SND1: variants seen among roughly 807,000 people sequenced by gnomAD.
SND1 encodes staphylococcal nuclease and tudor domain containing 1.
A neutral mutation model predicts 121.7 loss-of-function variants in SND1; 38 were observed. That is an observed-to-expected ratio of 0.31 (90% CI 0.24 to 0.41). The LOEUF is 0.41. Ranked by LOEUF, SND1 falls within the 10% of genes least tolerant of loss-of-function variation. The pLI is 1.00. For missense variants in SND1, 868 were observed against 1,184.6 expected, an observed-to-expected ratio of 0.73 and a Z score of 3.92; for synonymous variants, 401 against 447.4, an observed-to-expected ratio of 0.90 and a Z score of 1.31.
At chr7:128,088,146 C>T (rs1167678445) in intron 21 of SND1, among the ~76,000 whole-genome samples, 1 of 152,130 alleles carries the variant, frequency 6.6e-6, no homozygotes, top group Non-Finnish European at 1.5e-5. Flanking sequence ...CAAAACACGT[C>T]GGTGAAGACA....
chr7:127,655,842 G>A (rs1357430230), intron 1 of SND1, among the ~76,000 whole-genome samples: 1 of 152,038 alleles, frequency 6.6e-6, no homozygotes, highest in African/African-American at 2.4e-5. Flanking sequence ...CTTTGGGTAT[G>A]TTTACATGTC....
At chr7:128,079,901 T>C (rs1793568409) in intron 17 of SND1, among the ~76,000 whole-genome samples, 1 of 152,170 alleles carries the variant, frequency 6.6e-6, no homozygotes, top group Non-Finnish European at 1.5e-5. Context: ...TGGTGGTGTT[T>C]TCTCAGGGAT....
chr7:127,966,647 G>A (rs1801860556), intron 15 of SND1, among the ~76,000 whole-genome samples: 1 of 92,798 alleles, frequency 1.1e-5, no homozygotes, highest in Non-Finnish European at 2.1e-5. Flanking sequence ...GATGTTCTTT[G>A]AAACCAACGA....
At chr7:127,752,472 A>G (rs998958355) in intron 10 of SND1, among the ~76,000 whole-genome samples, 4 of 152,330 alleles carry the variant, frequency 2.6e-5, no homozygotes, top group African/African-American at 7.2e-5. Context: ...CAGGCTGCCC[A>G]TCTGGACTGC....
intron 14 of SND1, among the ~76,000 whole-genome samples, chr7:127,924,374 A>G (rs1332785640): frequency 6.6e-6 from 1 of 152,206 alleles, no homozygotes; most frequent in Non-Finnish European, 1.5e-5. Flanking sequence ...AGTCTTGCAT[A>G]TGATAATCCT....
At chr7:127,882,402 G>A (rs1378189684) in intron 12 of SND1, among the ~76,000 whole-genome samples, 1 of 127,030 alleles carries the variant, frequency 7.9e-6, no homozygotes, top group African/African-American at 2.9e-5. Context: ...GAGGGAGGGA[G>A]GGACGGAGGA....
intron 11 of SND1, among the ~76,000 whole-genome samples, chr7:127,817,425 G>C (rs1008327257): frequency 1.3e-5 from 2 of 152,006 alleles, no homozygotes; most frequent in African/African-American, 4.8e-5. Flanking sequence ...TGTTTCTTCT[G>C]TCTATGCCAT....
At chr7:128,031,491 C>G (rs1792600849) in intron 16 of SND1, 1 of 151,630 alleles carries the variant, frequency 6.6e-6, no homozygotes, top group South Asian at 2.1e-4. Context: ...CGCCTTCGCC[C>G]TCCCCAGACA....
At chr7:127,958,929 C>T (rs772869323) in intron 15 of SND1, among the ~76,000 whole-genome samples, 11 of 152,176 alleles carry the variant, frequency 7.2e-5, no homozygotes, top group Non-Finnish European at 1.3e-4. Context: ...TGAGAGCATG[C>T]AGCATGCTGG....
chr7:127,711,144 A>C (rs1313739221), intron 9 of SND1, among the ~76,000 whole-genome samples: 8 of 152,134 alleles, frequency 5.3e-5, no homozygotes, highest in African/African-American at 1.9e-4. Context: ...CCTGTTTTAG[A>C]GCTGTCATCT....
intron 10 of SND1, among the ~76,000 whole-genome samples, chr7:127,799,214 C>A (rs1433463562): frequency 6.6e-6 from 1 of 152,144 alleles, no homozygotes; most frequent in Non-Finnish European, 1.5e-5. Flanking sequence ...CAGTAAAAAA[C>A]CAAGAGCTGC....
At chr7:127,893,505 A>C (rs746861703) in intron 13 of SND1, among the ~76,000 whole-genome samples, 15 of 152,102 alleles carry the variant, frequency 9.9e-5, no homozygotes, top group Non-Finnish European at 2.9e-5. Flanking sequence ...GGTATCTTTT[A>C]ATTCTAAGAT....
At chr7:127,812,707 A>G (rs570045841) in intron 11 of SND1, among the ~76,000 whole-genome samples, 2 of 152,304 alleles carry the variant, frequency 1.3e-5, no homozygotes, top group Non-Finnish European at 2.9e-5. Flanking sequence ...TCACTCTGCT[A>G]GTGAGAGCTC....
intron 16 of SND1, chr7:128,028,703 G>C: frequency 1.2e-6 from 2 of 1,613,476 alleles, no homozygotes; most frequent in African/African-American, 1.3e-5. Context: ...CCTGTACCTT[G>C]TCCTTGGTAT....
chr7:127,681,396 T>C (rs1404458100), intron 1 of SND1, among the ~76,000 whole-genome samples: 2 of 150,220 alleles, frequency 1.3e-5, no homozygotes, highest in Non-Finnish European at 3.0e-5. Context: ...TTGTCAGATA[T>C]ATGAGATAAG....
chr7:127,696,321 T>A (rs34839191), intron 3 of SND1, among the ~76,000 whole-genome samples: 32,172 of 152,172 alleles, frequency 0.21, 3,998 homozygotes, highest in Middle Eastern at 0.32. Flanking sequence ...GAGAAATACC[T>A]CTTTTTAGTC....
At chr7:128,086,744 G>A (rs1793693625) in intron 20 of SND1, 194 bp from the exon 21 acceptor site, 1 of 625,024 alleles carries the variant, frequency 1.6e-6, no homozygotes, top group East Asian at 2.8e-5. Context: ...TCTACTGCTG[G>A]ACCAGCAGGG....
At chr7:128,082,299 A>T (rs1196720615) in intron 18 of SND1, among the ~76,000 whole-genome samples, 1 of 152,206 alleles carries the variant, frequency 6.6e-6, no homozygotes, top group Non-Finnish European at 1.5e-5. Context: ...CAGGAAACAA[A>T]TCATGGTAGG....
intron 5 of SND1, among the ~76,000 whole-genome samples, chr7:127,702,224 A>G (rs112852570): frequency 1.2e-3 from 179 of 152,320 alleles, no homozygotes; most frequent in African/African-American, 3.8e-3. Flanking sequence ...AAGACAGAGA[A>G]GCAGGTCTAA....
Sources: allele counts gnomAD v4.1 joint callset (sites outside exome capture counted in the v4.1 genomes callset), GRCh38; gene constraint gnomAD v4.1.1; transcripts MANE v1.5; gene names NCBI Gene and HGNC (gene_info 2026-07-23, HGNC 2026-07-21).